Variants in WDPCP observed in about 807,000 individuals in gnomAD.
WDPCP encodes WD repeat containing planar cell polarity effector.
WDPCP carries 71 observed loss-of-function variants against 93.1 expected under a neutral mutation model. The observed-to-expected ratio is 0.76, with a 90% CI of 0.63 to 0.93. WDPCP has a LOEUF of 0.93. Among genes scored for constraint, WDPCP ranks in the 40% least tolerant of loss-of-function variants. The probability of loss-of-function intolerance (pLI) is 0.00; values close to 1 mark genes in which losing one functional copy is unlikely to be tolerated. For synonymous variants in WDPCP, 315 were observed against 315.0 expected, an observed-to-expected ratio of 1.00 and a Z score of 0.00; for missense variants, 844 against 887.4, an observed-to-expected ratio of 0.95 and a Z score of 0.62.
intron 2 of WDPCP, among the ~76,000 whole-genome samples, chr2:63,799,415 A>G (rs1189985166): frequency 6.6e-6 from 1 of 152,208 alleles, no homozygotes; most frequent in East Asian, 1.9e-4. Context: ...TGATTTGCCC[A>G]AGATCTCAGA....
chr2:63,127,662 C>CATATATAT lies in WDPCP; in HGVS notation c.2191-5614_2191-5607dup, dbSNP rs67091232. On this transcript the variant is annotated intron_variant, in intron 17 of 17. Coordinates refer to ENST00000272321, the MANE Select transcript of WDPCP (RefSeq NM_015910.7). ...TGTAAATACCGTGTATGTGTATGTG[C>CATATATAT]ATATATATATATATATATATATATA... Among the ~76,000 whole-genome samples, 1,053 of 131,626 alleles carry CATATATAT rather than the reference C, an allele frequency of 8.0e-3. 9 individuals are homozygous for CATATATAT. The highest frequency in any genetic ancestry group is 0.016 in the Admixed American group (206 of 12,962). The allele number at this position is 131,626 out of a possible 152,430, so 86.4% of individuals were successfully genotyped here.
intron 2 of WDPCP, among the ~76,000 whole-genome samples, chr2:63,722,571 G>GC (rs1208748936): frequency 0.024 from 2,921 of 124,224 alleles, 267 homozygotes; most frequent in African/African-American, 0.056. Flanking sequence ...GGGGGGGTCA[G>GC]CCCCCCGCCC....
At chr2:63,135,875 G>A (rs1022226525) in intron 17 of WDPCP, among the ~76,000 whole-genome samples, 1 of 152,060 alleles carries the variant, frequency 6.6e-6, no homozygotes, top group African/African-American at 2.4e-5. Flanking sequence ...GGGACTACAG[G>A]CACGTGTACC....
chr2:63,585,170 G>A (rs1708757488), intron 1 of WDPCP, among the ~76,000 whole-genome samples: 1 of 152,144 alleles, frequency 6.6e-6, no homozygotes, highest in Non-Finnish European at 1.5e-5. Context: ...TGAGACTACA[G>A]TTTTAAATTA....
chr2:63,634,653 G>A (rs1428784498), intron 3 of WDPCP, among the ~76,000 whole-genome samples: 9 of 151,906 alleles, frequency 5.9e-5, no homozygotes, highest in East Asian at 1.9e-4. Flanking sequence ...TTAAGAAGCC[G>A]AAAAATTTAC....
chr2:63,516,162 T>C (rs1267126031), intron 1 of WDPCP, among the ~76,000 whole-genome samples: 2 of 152,164 alleles, frequency 1.3e-5, no homozygotes. Context: ...GCTTCCTTCA[T>C]TGTAAGGTAT....
intron 14 of WDPCP, among the ~76,000 whole-genome samples, chr2:63,254,632 T>G (rs1024028896): frequency 2.0e-5 from 3 of 152,236 alleles, no homozygotes; most frequent in African/African-American, 2.4e-5. Context: ...TTACAAAAAT[T>G]TAATACAATG....
intron 2 of WDPCP, among the ~76,000 whole-genome samples, chr2:63,736,408 A>T (rs1669641327): frequency 6.6e-6 from 1 of 152,266 alleles, no homozygotes; most frequent in Admixed American, 6.5e-5. Context: ...CTTAAATGCA[A>T]TGTAGCAACC....
chr2:63,312,966 C>T (rs1575117583), intron 13 of WDPCP, among the ~76,000 whole-genome samples: 1 of 151,878 alleles, frequency 6.6e-6, no homozygotes, highest in African/African-American at 2.4e-5. Context: ...TAGGTGTCAT[C>T]CCCTTGCATC....
chr2:63,712,955 G>A (rs1669285369), intron 2 of WDPCP, among the ~76,000 whole-genome samples: 1 of 152,176 alleles, frequency 6.6e-6, no homozygotes, highest in South Asian at 2.1e-4. Flanking sequence ...TGGATTAGCA[G>A]CCAAGGAGTG....
Position 63,606,770 on chromosome 2 carries a change from G to A in WDPCP, n.488+43889C>T, listed in dbSNP as rs553886403. 1.1e-4 allele frequency: 94 copies of A among 852,884 alleles called. No homozygotes were observed. In the African/African-American group the frequency reaches 1.3e-3, roughly 12 times the overall value. The allele number at this position is 852,884 out of a possible 1,614,324, so 52.8% of individuals were successfully genotyped here. On this transcript the variant is annotated intron_variant and non_coding_transcript_variant, in intron 3 of 4. Transcript: ENST00000467687. ...TTACTTTAGAATCAGACTTTAAAAC[G>A]ATATACCTCTAAATATAAGTTCAAA... is the stretch of plus-strand genomic sequence containing the variant.
chr2:63,206,352 G>C (rs564754346), intron 14 of WDPCP, among the ~76,000 whole-genome samples: 35 of 152,278 alleles, frequency 2.3e-4, no homozygotes, highest in African/African-American at 7.9e-4. Context: ...ACTCGAATTA[G>C]TAACCAATTT....
chr2:63,159,262 G>A (rs1427007909), intron 15 of WDPCP, among the ~76,000 whole-genome samples: 1 of 117,644 alleles, frequency 8.5e-6, no homozygotes, highest in East Asian at 2.4e-4. Flanking sequence ...TTTTTTGTTT[G>A]TTGGTTTTTT....
At chr2:63,697,792 G>T in intron 2 of WDPCP, among the ~76,000 whole-genome samples, 1 of 149,388 alleles carries the variant, frequency 6.7e-6, no homozygotes. Context: ...GGACTACAGG[G>T]GTGTACCACC....
Position 63,675,273 on chromosome 2 carries a change from G to A in WDPCP, n.309-24435C>T, listed in dbSNP as rs150443222. ...AGGCAGTGAGTTTCTCAGAATCTTG[G>A]CTGAACTCACTTAACTCTAGGCTTC... On this transcript the variant is annotated intron_variant and non_coding_transcript_variant, in intron 2 of 4. Transcript: ENST00000467687. Among the ~76,000 whole-genome samples the A allele has an allele frequency of 4.3e-3, 648 of 152,206 alleles. 4 individuals carry two copies. Among genetic ancestry groups the A allele is most frequent in the Non-Finnish European group, 6.2e-3 (422 of 68,012 alleles).
At chr2:63,415,569 C>G (rs1265489621) in intron 9 of WDPCP, among the ~76,000 whole-genome samples, 2 of 152,116 alleles carry the variant, frequency 1.3e-5, no homozygotes, top group Non-Finnish European at 2.9e-5. Context: ...TAAATTGCAC[C>G]TGGTCCCACT....
At chr2:63,254,161 G>A (rs1680954598) in intron 14 of WDPCP, among the ~76,000 whole-genome samples, 1 of 152,110 alleles carries the variant, frequency 6.6e-6, no homozygotes, top group Non-Finnish European at 1.5e-5. Context: ...ATTCTCATAT[G>A]TAAGTGGGAG....
At position 63,120,494 on chromosome 2, in the gene WDPCP, C is replaced by T. The variant is rs1393025327; in HGVS notation, c.*1512G>A. Among the ~76,000 whole-genome samples the T allele has an allele frequency of 1.3e-5, 2 of 148,246 alleles. No individual in the cohort carries two copies. Among genetic ancestry groups the T allele is most frequent in the Non-Finnish European group, 3.0e-5 (2 of 67,192 alleles). ...AATGTAATTATTGTCTAATATTAAA[C>T]AATGTTGATTATTATTATAGATGTC... is the stretch of plus-strand genomic sequence containing the variant. On this transcript the variant is annotated 3_prime_UTR_variant, in exon 18 of 18. Transcript: ENST00000272321.
At chr2:63,268,685 T>C (rs376301137) in intron 13 of WDPCP, among the ~76,000 whole-genome samples, 1 of 151,798 alleles carries the variant, frequency 6.6e-6, no homozygotes. Flanking sequence ...TTTGCCATGT[T>C]GCCCAGGCTG....
Sources: gnomAD v4.1 joint callset for allele counts (sites outside exome capture counted in the v4.1 genomes callset) on GRCh38, gnomAD v4.1.1 for gene constraint, MANE v1.5 for transcripts, NCBI Gene and HGNC (gene_info 2026-07-23, HGNC 2026-07-21) for gene names.